The following SUCLA2 variants were observed in gnomAD, a reference collection of about 807,000 sequenced individuals.
SUCLA2 encodes succinate-CoA ligase ADP-forming subunit beta.
A neutral mutation model predicts 54.8 loss-of-function variants in SUCLA2; 30 were observed. That is an observed-to-expected ratio of 0.55 (90% confidence interval 0.41 to 0.74). The LOEUF (loss-of-function observed/expected upper bound fraction) is 0.74, where lower values mean the gene tolerates loss of function less well. Among genes scored for constraint, SUCLA2 ranks in the 30% least tolerant of loss-of-function variants. The pLI, the probability that SUCLA2 is intolerant of heterozygous loss-of-function variation, is 0.00. For missense variants in SUCLA2, 476 were observed against 562.9 expected, an observed-to-expected ratio of 0.85 and a Z score of 1.56; for synonymous variants, 172 against 188.9, an observed-to-expected ratio of 0.91 and a Z score of 0.74.
At chr13:47,954,758 T>C (rs1442424699) in intron 6 of SUCLA2, among the ~76,000 whole-genome samples, 1 of 152,166 alleles carries the variant, frequency 6.6e-6, no homozygotes, top group Non-Finnish European at 1.5e-5. Flanking sequence ...CCCATCAAAG[T>C]TATTGGGTCT....
chr13:47,981,730 C>A (rs1284890261), intron 4 of SUCLA2, among the ~76,000 whole-genome samples: 1 of 152,230 alleles, frequency 6.6e-6, no homozygotes, highest in African/African-American at 2.4e-5. Flanking sequence ...GCAGAAGAAT[C>A]ACTTGAACCC....
intron 2 of SUCLA2, among the ~76,000 whole-genome samples, chr13:47,995,887 GCTT>G (rs5803421): frequency 0.62 from 94,654 of 151,692 alleles, 30,459 homozygotes; most frequent in East Asian, 0.77. Flanking sequence ...AGCTATTAAG[GCTT>G]CTGTTATCAA....
intron 1 of SUCLA2, among the ~76,000 whole-genome samples, chr13:48,000,515 A>G (rs1269294579): frequency 1.3e-5 from 2 of 152,252 alleles, no homozygotes; most frequent in African/African-American, 4.8e-5. Context: ...TTAGCACATT[A>G]CCTGGCACAC....
intron 2 of SUCLA2, among the ~76,000 whole-genome samples, chr13:47,989,614 C>T (rs4942732): frequency 0.94 from 142,435 of 152,270 alleles, 66,647 homozygotes; most frequent in East Asian, 1. Context: ...ATCTAGAACT[C>T]TGGAAAGTAT....
chr13:47,980,870 G>C (rs1441390499), intron 4 of SUCLA2, among the ~76,000 whole-genome samples: 1 of 152,146 alleles, frequency 6.6e-6, no homozygotes, highest in Admixed American at 6.5e-5. Context: ...AACAAATGGT[G>C]CTAGAAAAAT....
At chr13:47,989,083 G>T in intron 2 of SUCLA2, 102 bp from the exon 3 acceptor site, 1 of 1,169,066 alleles carries the variant, frequency 8.6e-7, no homozygotes, top group Non-Finnish European at 1.3e-6. Flanking sequence ...ATTAAATCAA[G>T]TCTAATTTAT....
At chr13:47,971,981 T>C (rs1949970137) in intron 5 of SUCLA2, 2 of 397,020 alleles carry the variant, frequency 5.0e-6, no homozygotes, top group Non-Finnish European at 8.9e-6. Context: ...CCGGACGCGG[T>C]GGCTCACGCC....
At chr13:47,996,774 C>T in intron 2 of SUCLA2, 69 bp downstream of exon 2, 1 of 1,528,146 alleles carries the variant, frequency 6.5e-7, no homozygotes, top group Non-Finnish European at 8.9e-7. Flanking sequence ...GTTATCAAAC[C>T]AAAAACAAAC....
chr13:47,990,279 C>T (rs1396638080), intron 2 of SUCLA2, among the ~76,000 whole-genome samples: 3 of 152,094 alleles, frequency 2.0e-5, no homozygotes, highest in Admixed American at 1.3e-4. Flanking sequence ...ATCCGGGAGG[C>T]GGAGGTTGCA....
chr13:47,988,726 A>T (rs1295417288), intron 3 of SUCLA2, 23 bp from the exon 4 acceptor site: 5 of 1,612,844 alleles, frequency 3.1e-6, no homozygotes, highest in Non-Finnish European at 2.5e-6. Context: ...AAAGAACTCA[A>T]ATTTTTCTTT....
In SUCLA2 at chr13:47,954,399, G is replaced by A; in HGVS notation, c.961C>T (p.Leu321=). The change falls in exon 7 of 11, where the codon CTA becomes TTA. Residue 321 remains leucine (L), a synonymous_variant. Transcript: ENST00000646932. The part of the protein sequence containing the change: ...YIGLDGNIGC[L]VNGAGLAMAT... ...CTAACATAAAAACACATGGTACCTA[G>A]GCAGCCTATATTTCCATCGAGGCCA... is the stretch of plus-strand genomic sequence containing the variant. 6.2e-7 allele frequency: 1 copy of A among 1,613,940 alleles called. No homozygotes were observed. Among genetic ancestry groups the A allele is most frequent in the Non-Finnish European group, 8.5e-7 (1 of 1,179,874 alleles).
chr13:47,968,765 G>C, intron 5 of SUCLA2, 32 bp from the exon 6 acceptor site: 1 of 1,607,236 alleles, frequency 6.2e-7, no homozygotes, highest in South Asian at 1.1e-5. Flanking sequence ...ATTATAGGTA[G>C]TTTGCATATG....
At chr13:47,985,645 T>C (rs1252582236) in intron 4 of SUCLA2, among the ~76,000 whole-genome samples, 2 of 152,134 alleles carry the variant, frequency 1.3e-5, no homozygotes, top group Non-Finnish European at 2.9e-5. Context: ...CATCGGTGGA[T>C]GTTTAGGTTG....
chr13:47,973,256 C>A lies in SUCLA2; in HGVS notation c.663+8G>T, dbSNP rs377144976. The stretch of plus-strand genomic sequence containing the variant: ...ATAAGCTAGAAATTTTTCAGGAATA[C>A]AACATACCTGGAGAGCTTGTTCCTT... On this transcript the variant is annotated splice_region_variant and intron_variant, in intron 5 of 10. Transcript: ENST00000646932. 1.4e-4 allele frequency: 223 copies of A among 1,610,578 alleles called. No individual in the cohort carries two copies. Among genetic ancestry groups the A allele is most frequent in the Non-Finnish European group, 1.8e-4 (218 of 1,178,440 alleles).
At position 47,973,045 on chromosome 13, in the gene SUCLA2, C is replaced by T. The variant is rs4942725; in HGVS notation, c.663+219G>A. 0.73 allele frequency among the ~76,000 whole-genome samples: 110,780 copies of T among 151,926 alleles called. 41,333 individuals carry two copies. The highest frequency in any genetic ancestry group is 0.81 in the Non-Finnish European group (55,359 of 67,934). The stretch of plus-strand genomic sequence containing the variant: ...GATTACAGGCGTGAGACACCGTGCC[C>T]GGCCAGTGACTCTTTTAAAAGAATC... On this transcript the variant is annotated intron_variant, in intron 5 of 10. Transcript: ENST00000646932.
intron 4 of SUCLA2, among the ~76,000 whole-genome samples, chr13:47,979,453 C>T (rs574036832): frequency 1.3e-5 from 2 of 152,054 alleles, no homozygotes; most frequent in South Asian, 4.2e-4. Context: ...CACATGGACA[C>T]AGGGAGTGGA....
At chr13:47,970,528 T>G (rs76878331) in intron 5 of SUCLA2, among the ~76,000 whole-genome samples, 399 of 152,322 alleles carry the variant, frequency 2.6e-3, no homozygotes, top group African/African-American at 9.2e-3. Context: ...TTATTCTCCA[T>G]CAGAAACATT....
chr13:47,949,705 T>A, intron 8 of SUCLA2, 102 bp from the exon 9 acceptor site: 1 of 1,261,592 alleles, frequency 7.9e-7, no homozygotes, highest in Non-Finnish European at 1.1e-6. Flanking sequence ...ATTAACTTGA[T>A]AGAAAGATTT....
At chr13:47,971,676 C>T in intron 5 of SUCLA2, 3 of 380,552 alleles carry the variant, frequency 7.9e-6, no homozygotes, top group Non-Finnish European at 9.3e-6. Flanking sequence ...AGGACCACAG[C>T]GTTCATCGAA....
Sources: gnomAD v4.1 joint callset for allele counts (sites outside exome capture counted in the v4.1 genomes callset) on GRCh38, gnomAD v4.1.1 for gene constraint, MANE v1.5 for transcripts, NCBI Gene and HGNC (gene_info 2026-07-23, HGNC 2026-07-21) for gene names.